The following HAS2 variants were observed in gnomAD, a reference collection of about 807,000 sequenced individuals.
HAS2 encodes the protein HA synthase 2.
In HAS2, 16 loss-of-function variants were observed where a neutral mutation model predicts 51.6. That is an observed-to-expected ratio of 0.31 (90% CI 0.21 to 0.47). The LOEUF (loss-of-function observed/expected upper bound fraction) is 0.47. HAS2 is among the 20% of genes least tolerant of loss of function. The pLI is 1.00. For synonymous variants in HAS2, 228 were observed against 235.5 expected (o/e 0.97, Z 0.29); for missense variants, 361 against 662.6 (o/e 0.54, Z 5.00).
chr8:121,627,789 T>G (rs1812874480), intron 2 of HAS2, among the ~76,000 whole-genome samples: 1 of 152,134 alleles, frequency 6.6e-6, no homozygotes. Context: ...AGGATGCATC[T>G]TCTAAAAACT....
intron 3 of HAS2, 62 bp downstream of exon 3, chr8:121,617,043 A>T (rs958533787): frequency 4.5e-6 from 4 of 885,738 alleles, no homozygotes; most frequent in Non-Finnish European, 7.6e-6. Context: ...TGAGTCAATG[A>T]GTAAAAGTGC....
intron 2 of HAS2, among the ~76,000 whole-genome samples, chr8:121,627,448 G>A (rs1812869005): frequency 6.6e-6 from 1 of 152,136 alleles, no homozygotes; most frequent in Admixed American, 6.6e-5. Flanking sequence ...AAACTCTTCA[G>A]ACATCAACTG....
At chr8:121,638,785 A>G (rs1813046881) in intron 1 of HAS2, among the ~76,000 whole-genome samples, 1 of 152,182 alleles carries the variant, frequency 6.6e-6, no homozygotes, top group African/African-American at 2.4e-5. Context: ...CTCTAGAAAA[A>G]TGTGGTGAAA....
In HAS2 at chr8:121,634,435, A is replaced by G. The variant is rs75527668; in HGVS notation, c.1-5095T>C. Among the ~76,000 whole-genome samples, 651 of 151,592 alleles carry G rather than the reference A, an allele frequency of 4.3e-3. 5 individuals carry two copies. Among genetic ancestry groups the G allele is most frequent in the African/African-American group, 0.015 (614 of 41,316 alleles). ...CCTTGCCCTCTCTTCACCCCCTGCC[A>G]TGCTCTCTCCCCTTAACCTGCTTGA... is the stretch of plus-strand genomic sequence containing the variant. On this transcript the variant is annotated intron_variant, in intron 1 of 3. Transcript: ENST00000303924.
intron 1 of HAS2, among the ~76,000 whole-genome samples, chr8:121,635,056 G>T (rs1163898694): frequency 6.6e-6 from 1 of 152,120 alleles, no homozygotes; most frequent in African/African-American, 2.4e-5. Flanking sequence ...ATGTGTGCAT[G>T]TATGTCTTGT....
At chr8:121,622,469 C>T (rs1812786271) in intron 2 of HAS2, among the ~76,000 whole-genome samples, 1 of 151,968 alleles carries the variant, frequency 6.6e-6, no homozygotes, top group Admixed American at 6.6e-5. Context: ...TCACATCTAC[C>T]TCATAAGTTT....
At chr8:121,636,712 C>T (rs1039029313) in intron 1 of HAS2, among the ~76,000 whole-genome samples, 3 of 152,120 alleles carry the variant, frequency 2.0e-5, no homozygotes, top group Non-Finnish European at 4.4e-5. Flanking sequence ...AATGACTTGA[C>T]ATGGAATCTT....
chr8:121,637,812 T>C (rs7831954), intron 1 of HAS2, among the ~76,000 whole-genome samples: 90,016 of 152,076 alleles, frequency 0.59, 28,249 homozygotes, highest in East Asian at 0.86. Flanking sequence ...CCCTCCACTC[T>C]GTTGGCATAC....
intron 1 of HAS2, among the ~76,000 whole-genome samples, chr8:121,636,588 C>A (rs991159511): frequency 1.2e-4 from 19 of 152,250 alleles, no homozygotes; most frequent in African/African-American, 4.3e-4. Context: ...TTTTCCTTTG[C>A]ACCATCTATA....
intron 2 of HAS2, among the ~76,000 whole-genome samples, chr8:121,628,074 C>A (rs905134746): frequency 2.6e-5 from 4 of 152,178 alleles, no homozygotes; most frequent in Non-Finnish European, 5.9e-5. Flanking sequence ...AACACCATCA[C>A]AAATGCTTTC....
chr8:121,618,150 G>C lies in HAS2; in HGVS notation c.628-944C>G, dbSNP rs1317467665. Reference sequence around the variant, plus strand: ...TAAACTGTGCTTTTCTTTTCAGACTGATTTCCAAATCAACTGAAAAGTTAA... The same window carrying C: ...TAAACTGTGCTTTTCTTTTCAGACTCATTTCCAAATCAACTGAAAAGTTAA... On this transcript the variant is annotated intron_variant, in intron 2 of 3. Transcript: ENST00000303924. Among the ~76,000 whole-genome samples the C allele has an allele frequency of 2.0e-5, 3 of 152,252 alleles. No homozygotes were observed. In the South Asian group the frequency reaches 6.2e-4, roughly 32 times the overall value.
At chr8:121,637,499 T>C (rs1813026298) in intron 1 of HAS2, among the ~76,000 whole-genome samples, 1 of 150,682 alleles carries the variant, frequency 6.6e-6, no homozygotes. Flanking sequence ...CAAGAAATTC[T>C]CCTGCCTCAG....
At chr8:121,634,984 C>T (rs747347690) in intron 1 of HAS2, among the ~76,000 whole-genome samples, 1 of 152,138 alleles carries the variant, frequency 6.6e-6, no homozygotes, top group Non-Finnish European at 1.5e-5. Flanking sequence ...AGTACCCTTA[C>T]AGTGTTTATT....
Position 121,641,158 on chromosome 8 carries a change from C to CTTTCTTTTTTTTTTTT in HAS2, c.-307_-306insAAAAAAAAAAAAGAAA, listed in dbSNP as rs1554597329. 3 of 57,014 alleles carry CTTTCTTTTTTTTTTTT rather than the reference C, an allele frequency of 5.3e-5. No individual in the cohort carries two copies. Among genetic ancestry groups the CTTTCTTTTTTTTTTTT allele is most frequent in the East Asian group, 3.7e-4 (1 of 2,676 alleles). The allele number at this position is 57,014 out of a possible 1,614,324, so 3.5% of individuals were successfully genotyped here. A position where few individuals can be genotyped will look rare whatever the true frequency, so the allele number is the denominator to read the frequency against. ...TAACTTTTCTTTTTTCTTTTCTTTT[C>CTTTCTTTTTTTTTTTT]TTTTTTTTTTTTTTTTTTTTTTGGG... On this transcript the variant is annotated 5_prime_UTR_variant, in exon 1 of 4. Coordinates refer to ENST00000303924, the MANE Select transcript of HAS2 (RefSeq NM_005328.3).
chr8:121,641,158 C>CTTTCTTTTTTTT lies in HAS2; in HGVS notation c.-307_-306insAAAAAAAAGAAA, dbSNP rs1554597329. ...TAACTTTTCTTTTTTCTTTTCTTTT[C>CTTTCTTTTTTTT]TTTTTTTTTTTTTTTTTTTTTTGGG... On this transcript the variant is annotated 5_prime_UTR_variant, in exon 1 of 4. Coordinates refer to ENST00000303924, the MANE Select transcript of HAS2 (RefSeq NM_005328.3). The CTTTCTTTTTTTT allele has an allele frequency of 5.3e-5, 3 of 57,014 alleles. No homozygotes were observed. The highest frequency in any genetic ancestry group is 1.3e-4 in the African/African-American group (2 of 14,890). The allele number at this position is 57,014 out of a possible 1,614,324, so 3.5% of individuals were successfully genotyped here.
At chr8:121,621,342 A>T (rs986206225) in intron 2 of HAS2, among the ~76,000 whole-genome samples, 3 of 152,210 alleles carry the variant, frequency 2.0e-5, no homozygotes, top group African/African-American at 7.2e-5. Flanking sequence ...GCAAGTACCC[A>T]TGAAATCAAG....
At chr8:121,628,637 A>G (rs757137911) in intron 2 of HAS2, 77 bp downstream of exon 2, 17 of 1,302,598 alleles carry the variant, frequency 1.3e-5, no homozygotes, top group Non-Finnish European at 1.8e-5. Context: ...AGGATGGGCT[A>G]TAGCATATGA....
chr8:121,636,563 T>C (rs1205098991), intron 1 of HAS2, among the ~76,000 whole-genome samples: 1 of 152,190 alleles, frequency 6.6e-6, no homozygotes, highest in Non-Finnish European at 1.5e-5. Context: ...TTCAGAACTG[T>C]AGGTTTCAGA....
At chr8:121,618,253 T>C (rs186023147) in intron 2 of HAS2, among the ~76,000 whole-genome samples, 16 of 150,232 alleles carry the variant, frequency 1.1e-4, no homozygotes, top group Admixed American at 6.6e-5. Flanking sequence ...AATAGGGCTT[T>C]ATATGTGGAA....
Sources: allele counts gnomAD v4.1 joint callset (sites outside exome capture counted in the v4.1 genomes callset), GRCh38; gene constraint gnomAD v4.1.1; transcripts MANE v1.5; gene names NCBI Gene and HGNC (gene_info 2026-07-23, HGNC 2026-07-21).